Variants in ARHGEF4 observed in about 807,000 individuals in gnomAD.
The protein encoded by ARHGEF4 is APC-stimulated guanine nucleotide exchange factor 1.
Under a neutral mutation model 162.0 loss-of-function variants are expected in ARHGEF4, and 119 were observed. The ratio of observed to expected loss-of-function variants is 0.73; its 90% confidence interval spans 0.63 to 0.86. The LOEUF is 0.86. Among genes scored for constraint, ARHGEF4 ranks in the 40% least tolerant of loss-of-function variants. The pLI, the probability that ARHGEF4 is intolerant of heterozygous loss-of-function variation, is 0.00. For missense variants in ARHGEF4, 2,488 were observed against 2,456.0 expected, an observed-to-expected ratio of 1.01 and a Z score of -0.28; for synonymous variants, 1,014 against 979.9, an observed-to-expected ratio of 1.03 and a Z score of -0.65.
chr2:130,980,640 C>G (rs1226944387), intron 4 of ARHGEF4, among the ~76,000 whole-genome samples: 1 of 152,188 alleles, frequency 6.6e-6, no homozygotes, highest in African/African-American at 2.4e-5. Context: ...AGATACAGTA[C>G]TGACGACTGG....
intron 3 of ARHGEF4, among the ~76,000 whole-genome samples, chr2:130,945,738 C>T (rs1334977463): frequency 6.6e-6 from 1 of 152,144 alleles, no homozygotes; most frequent in Non-Finnish European, 1.5e-5. Context: ...AGTCCTCAAA[C>T]GGCTGATCTA....
intron 4 of ARHGEF4, among the ~76,000 whole-genome samples, chr2:131,014,734 G>A (rs1688670439): frequency 6.6e-6 from 1 of 152,194 alleles, no homozygotes; most frequent in Non-Finnish European, 1.5e-5. Flanking sequence ...TCTCCCTGAG[G>A]TGGGGATTGA....
chr2:131,019,246 A>G (rs906820836), intron 4 of ARHGEF4, among the ~76,000 whole-genome samples: 1 of 151,922 alleles, frequency 6.6e-6, no homozygotes, highest in Non-Finnish European at 1.5e-5. Flanking sequence ...AACCCTGTCT[A>G]TACTAAAAAT....
chr2:130,864,616 C>T (rs1682136567), intron 1 of ARHGEF4, among the ~76,000 whole-genome samples: 1 of 152,150 alleles, frequency 6.6e-6, no homozygotes, highest in Non-Finnish European at 1.5e-5. Flanking sequence ...CTCAGCTACT[C>T]AGGAAACTGA....
rs1681435695 is a variant in ARHGEF4, at chr2:130,915,644, G to T, written c.1698G>T (p.Lys566Asn). The T allele has an allele frequency of 6.4e-7, 1 of 1,550,480 alleles. No individual in the cohort carries two copies. Among genetic ancestry groups the T allele is most frequent in the Admixed American group, 2.0e-5 (1 of 50,998 alleles). ...TQKSSAIDTS[K>N]AAEEAMVLDP... ...AATCAAGCGCAATAGACACTTCAAA[G>T]GCAGCCGAAGAAGCCATGGTTCTAG... The change falls in exon 2 of 14, where the codon AAG becomes AAT. Residue 566 changes from lysine to asparagine, a missense_variant. This residue lies in a region of ARHGEF4 where 1,642 missense variants were observed against 1,481.5 expected (regional missense o/e 1.11). Coordinates refer to ENST00000409359, the MANE Select transcript of ARHGEF4 (RefSeq NM_001367493.1).
chr2:130,906,685 A>G (rs908254423), intron 1 of ARHGEF4, among the ~76,000 whole-genome samples: 2 of 152,246 alleles, frequency 1.3e-5, no homozygotes, highest in African/African-American at 2.4e-5. Context: ...TGTTGCAACT[A>G]AAGTACAGCG....
rs765443729 is a variant in ARHGEF4, at chr2:131,028,042, C to T, written c.4083C>T (p.Tyr1361=). 2 of 1,614,104 alleles carry T rather than the reference C, an allele frequency of 1.2e-6. No individual in the cohort carries two copies. The highest frequency in any genetic ancestry group is 2.2e-5 in the East Asian group (1 of 44,882). ...ACCTGCACAGCTCCAGCCACCACTA[C>T]AGCCACCCTGGAGGGGGTGGGGAGC... ...YDDLHSSSHH[Y]SHPGGGGEQL... Residue 1361 remains tyrosine, a synonymous_variant, in exon 5 of 14, where the codon TAC becomes TAT. Transcript: ENST00000409359.
At chr2:131,007,874 C>T (rs146636159) in intron 4 of ARHGEF4, among the ~76,000 whole-genome samples, 9 of 135,574 alleles carry the variant, frequency 6.6e-5, no homozygotes, top group South Asian at 2.4e-4. Flanking sequence ...TGCAATGGCA[C>T]GATCTCAGCT....
chr2:130,991,741 T>C (rs1686999940), intron 4 of ARHGEF4, among the ~76,000 whole-genome samples: 1 of 152,194 alleles, frequency 6.6e-6, no homozygotes, highest in Admixed American at 6.5e-5. Flanking sequence ...CTCCATGGAT[T>C]CCTGTGCAGC....
At chr2:130,945,825 T>C (rs185001677) in intron 3 of ARHGEF4, among the ~76,000 whole-genome samples, 1 of 152,358 alleles carries the variant, frequency 6.6e-6, no homozygotes, top group African/African-American at 2.4e-5. Flanking sequence ...TCATTGTTTG[T>C]ATATTGATGT....
At position 130,917,133 on chromosome 2, in the gene ARHGEF4, C is replaced by T; in HGVS notation, c.3187C>T (p.Gln1063Ter). Residue 1063 changes from glutamine to a stop codon, truncating the protein, a stop_gained, in exon 2 of 14, where the codon CAG (glutamine) becomes TAG (stop). Transcript: ENST00000409359. LOFTEE classifies it high-confidence loss of function. ...LASPGSPRAQ[Q>*]AGIAHTLPSS... is the part of the protein sequence containing the mutation. ...GTCCCCCGGCAGCCCTCGGGCCCAG[C>T]AGGCTGGAATCGCACACACCCTGCC... 1 of 1,550,442 alleles carries T rather than the reference C, an allele frequency of 6.4e-7. No homozygotes were observed. The highest frequency in any genetic ancestry group is 8.7e-7 in the Non-Finnish European group (1 of 1,146,940).
chr2:130,972,274 T>C lies in ARHGEF4; in HGVS notation c.3985+25639T>C, dbSNP rs185826254. ...GAAAAATATATCACTTACAAATGTT[T>C]CATTTCAGTTTATAAGAGCATAGTC... On this transcript the variant is annotated intron_variant, in intron 4 of 13. Transcript: ENST00000409359. Among the ~76,000 whole-genome samples, 322 of 152,338 alleles carry C rather than the reference T, an allele frequency of 2.1e-3. 1 individual carries two copies. Among genetic ancestry groups the C allele is most frequent in the African/African-American group, 7.4e-3 (309 of 41,576 alleles).
At chr2:131,013,402 G>A (rs1026182887) in intron 4 of ARHGEF4, among the ~76,000 whole-genome samples, 5 of 152,098 alleles carry the variant, frequency 3.3e-5, no homozygotes, top group Admixed American at 1.3e-4. Flanking sequence ...ATAAAAGGCC[G>A]AATGGTGTGC....
At chr2:130,991,313 G>C (rs1686938349) in intron 4 of ARHGEF4, among the ~76,000 whole-genome samples, 1 of 152,260 alleles carries the variant, frequency 6.6e-6, no homozygotes, top group South Asian at 2.1e-4. Context: ...GCTCGCTCTT[G>C]GCGCCTCCTC....
intron 1 of ARHGEF4, among the ~76,000 whole-genome samples, chr2:130,856,144 A>G (rs1681766703): frequency 6.6e-6 from 1 of 152,244 alleles, no homozygotes; most frequent in Admixed American, 6.5e-5. Flanking sequence ...GGAAGGTGTG[A>G]TAGCAGTGTC....
At chr2:130,978,074 T>G (rs904305382) in intron 4 of ARHGEF4, among the ~76,000 whole-genome samples, 1 of 152,222 alleles carries the variant, frequency 6.6e-6, no homozygotes, top group African/African-American at 2.4e-5. Flanking sequence ...ATCCCTTTTC[T>G]GAGGAAGGAA....
At chr2:131,035,422 T>C (rs933401263) in intron 5 of ARHGEF4, 15 of 542,524 alleles carry the variant, frequency 2.8e-5, no homozygotes, top group Non-Finnish European at 3.4e-5. Context: ...AGCGGGTGCC[T>C]GAGGGGCGTG....
At chr2:130,977,422 TTG>T (rs1685814082) in intron 4 of ARHGEF4, among the ~76,000 whole-genome samples, 1 of 151,620 alleles carries the variant, frequency 6.6e-6, no homozygotes, top group Admixed American at 6.6e-5. Flanking sequence ...TGGGGTGTGT[TTG>T]TGTTTTCTAT....
intron 1 of ARHGEF4, chr2:130,837,471 G>C (rs1232497577): frequency 2.9e-6 from 1 of 348,784 alleles, no homozygotes; most frequent in Non-Finnish European, 5.6e-6. Flanking sequence ...CAGGCTGAGA[G>C]TACGCGAGGG....
Sources: allele counts gnomAD v4.1 joint callset (sites outside exome capture counted in the v4.1 genomes callset), GRCh38; gene constraint gnomAD v4.1.1; regional missense constraint gnomAD v4.1.1; transcripts MANE v1.5; gene names NCBI Gene and HGNC (gene_info 2026-07-23, HGNC 2026-07-21).